Variants in UBN2 observed in about 807,000 individuals in gnomAD.
UBN2 encodes the protein ubinuclein 2.
Under a neutral mutation model 120.2 loss-of-function variants are expected in UBN2, and 35 were observed. That is an observed-to-expected ratio of 0.29 (90% CI 0.22 to 0.39). UBN2 has a LOEUF of 0.39. UBN2 is among the 10% of genes least tolerant of loss of function. The pLI, the probability that UBN2 is intolerant of heterozygous loss-of-function variation, is 1.00. For synonymous variants in UBN2, 661 were observed against 648.7 expected (o/e 1.02, Z -0.29); for missense variants, 1,693 against 1,663.2 (o/e 1.02, Z -0.31).
intron 8 of UBN2, among the ~76,000 whole-genome samples, chr7:139,271,438 T>C (rs539494621): frequency 6.6e-6 from 1 of 152,064 alleles, no homozygotes; most frequent in Admixed American, 6.6e-5. Flanking sequence ...ATAGAAATAT[T>C]TGTTGGGTGT....
At chr7:139,264,816 T>C (rs1452866005) in intron 6 of UBN2, among the ~76,000 whole-genome samples, 2 of 152,124 alleles carry the variant, frequency 1.3e-5, no homozygotes, top group Non-Finnish European at 2.9e-5. Context: ...CTTGGTCTCT[T>C]GACCTCATGA....
chr7:139,246,650 A>G (rs564893344), intron 2 of UBN2, among the ~76,000 whole-genome samples: 1 of 152,196 alleles, frequency 6.6e-6, no homozygotes, highest in Non-Finnish European at 1.5e-5. Flanking sequence ...AACCACTACT[A>G]CAATCATGAT....
At chr7:139,309,491 C>T (rs1456107934), downstream of UBN2, among the ~76,000 whole-genome samples, 1 of 152,176 alleles carries the variant, frequency 6.6e-6, no homozygotes, top group Non-Finnish European at 1.5e-5. Context: ...TTTAACTATA[C>T]TTAACTGTGT....
intron 8 of UBN2, among the ~76,000 whole-genome samples, chr7:139,271,912 T>C (rs948494655): frequency 1.3e-5 from 2 of 152,200 alleles, no homozygotes; most frequent in Non-Finnish European, 2.9e-5. Context: ...CAAACACGTG[T>C]CTTCGTGTTC....
chr7:139,272,536 A>ATGTATGTATGTG, intron 9 of UBN2, 96 bp downstream of exon 9: 1 of 855,530 alleles, frequency 1.2e-6, no homozygotes. Context: ...GTATGTATGT[A>ATGTATGTATGTG]TGTATTTTGA....
Position 139,261,514 on chromosome 7 carries a change from C to G in UBN2, c.1168C>G (p.His390Asp), listed in dbSNP as rs749924033. ...DLPIFVSTNE[H>D]ELFQEAENAL... is the part of the protein sequence containing the mutation. The stretch of plus-strand genomic sequence containing the variant: ...TCCCATTTTTGTTAGCACAAATGAA[C>G]ATGAGCTGTTTCAGGAAGCTGAAAA... Residue 390 changes from histidine to aspartate, a missense_variant, in exon 6 of 18, where the codon CAT (histidine) becomes GAT (aspartate). This residue lies in a region of UBN2 where 663 missense variants were observed against 591.2 expected (regional missense o/e 1.12). Coordinates refer to ENST00000473989, the MANE Select transcript of UBN2 (RefSeq NM_173569.4). 6.2e-7 allele frequency: 1 copy of G among 1,614,178 alleles called. No homozygotes were observed. The highest frequency in any genetic ancestry group is 8.5e-7 in the Non-Finnish European group (1 of 1,180,034).
At chr7:139,258,407 C>A in intron 3 of UBN2, 81 bp from the exon 4 acceptor site, 1 of 1,153,158 alleles carries the variant, frequency 8.7e-7, no homozygotes, top group Non-Finnish European at 1.2e-6. Context: ...GGAGATGCTG[C>A]CATGGTGGAT....
intron 7 of UBN2, among the ~76,000 whole-genome samples, chr7:139,268,035 T>G (rs1384734239): frequency 6.6e-6 from 1 of 152,236 alleles, no homozygotes; most frequent in African/African-American, 2.4e-5. Flanking sequence ...GTCCTTCTCT[T>G]GTGACTGAGG....
At position 139,306,128 on chromosome 7, in the gene UBN2, A is replaced by G. The variant is rs113961933; in HGVS notation, c.*8292A>G. The G allele has an allele frequency of 6.6e-6, 1 of 152,268 alleles. No individual in the cohort carries two copies. Among genetic ancestry groups the G allele is most frequent in the Non-Finnish European group, 1.5e-5 (1 of 68,046 alleles). The allele number at this position is 152,268 out of a possible 1,614,324, so 9.4% of individuals were successfully genotyped here. On this transcript the variant is annotated 3_prime_UTR_variant, in exon 18 of 18. Transcript: ENST00000473989. The stretch of plus-strand genomic sequence containing the variant: ...AACTATTACCCAAGATAACATGGAA[A>G]TACTTCTGTTTTTGAAGTTAACAAC...
intron 17 of UBN2, among the ~76,000 whole-genome samples, chr7:139,296,691 A>G (rs752472960): frequency 3.3e-5 from 5 of 152,210 alleles, no homozygotes; most frequent in Admixed American, 2.6e-4. Context: ...GAAGTAATCA[A>G]CATTTTTTCT....
chr7:139,265,190 A>G (rs1006856885), intron 6 of UBN2, among the ~76,000 whole-genome samples: 1 of 152,150 alleles, frequency 6.6e-6, no homozygotes, highest in African/African-American at 2.4e-5. Context: ...TAGGATCACA[A>G]CTTTTACAGA....
At chr7:139,255,698 T>A (rs938440838) in intron 3 of UBN2, among the ~76,000 whole-genome samples, 1 of 152,208 alleles carries the variant, frequency 6.6e-6, no homozygotes, top group Admixed American at 6.5e-5. Context: ...CTTGTTCTTT[T>A]CATTTATTGT....
At chr7:139,232,443 G>A (rs1796052463) in intron 1 of UBN2, among the ~76,000 whole-genome samples, 1 of 152,176 alleles carries the variant, frequency 6.6e-6, no homozygotes, top group Non-Finnish European at 1.5e-5. Context: ...TTTGCTGGGC[G>A]CCGTGGCTGC....
chr7:139,265,016 G>A (rs1169500435), intron 6 of UBN2, among the ~76,000 whole-genome samples: 3 of 152,078 alleles, frequency 2.0e-5, no homozygotes, highest in African/African-American at 7.2e-5. Flanking sequence ...CTTTATACCA[G>A]GAACATTTGA....
chr7:139,284,485 A>G lies in UBN2; in HGVS notation c.3580A>G (p.Ser1194Gly), dbSNP rs1413110581. Residue 1194 changes from serine (S) to glycine (G), a missense_variant, in exon 15 of 18, where the codon AGT becomes GGT. By Grantham distance (56) the Ser-to-Gly change is moderately conservative (BLOSUM62 0). Around this residue, in one of 5 missense-constraint regions of UBN2, gnomAD observed 837 missense variants for 817.6 expected, o/e 1.02. Transcript: ENST00000473989. ...GACTAGTCTGTCTGGGGGAACAGGA[A>G]GTGGAACACAGGGTGCTACCAAACC... is the stretch of plus-strand genomic sequence containing the variant. ...NRTSLSGGTG[S>G]GTQGATKPLS... 1.2e-6 allele frequency: 2 copies of G among 1,614,216 alleles called. No individual in the cohort carries two copies. Among genetic ancestry groups the G allele is most frequent in the South Asian group, 1.1e-5 (1 of 91,086 alleles).
In UBN2 at chr7:139,282,050, C is replaced by G. The variant is rs888484408; in HGVS notation, c.2113C>G (p.Leu705Val). 10 of 1,613,314 alleles carry G rather than the reference C, an allele frequency of 6.2e-6. No individual in the cohort carries two copies. Among genetic ancestry groups the G allele is most frequent in the Non-Finnish European group, 5.1e-6 (6 of 1,179,458 alleles). The change falls in exon 14 of 18, where the codon CTT (leucine) becomes GTT (valine). Residue 705 changes from leucine (L) to valine (V), a missense_variant. Leu to Val is a conservative substitution (Grantham distance 32). Coordinates refer to ENST00000473989, the MANE Select transcript of UBN2 (RefSeq NM_173569.4). ...TLPLHSFPTM[L>V]KECSPKKDQK... The stretch of plus-strand genomic sequence containing the variant: ...TCCTCTCCATTCTTTCCCCACTATG[C>G]TTAAGGTAAGTGCTATGGTTGTATC...
At chr7:139,310,751 C>T (rs752051697), downstream of UBN2, among the ~76,000 whole-genome samples, 5 of 152,128 alleles carry the variant, frequency 3.3e-5, no homozygotes, top group African/African-American at 9.7e-5. Flanking sequence ...CCAGCCTGGG[C>T]GACAGAGTGA....
At chr7:139,259,481 T>C in intron 5 of UBN2, 111 bp downstream of exon 5, 1 of 1,394,336 alleles carries the variant, frequency 7.2e-7, no homozygotes, top group Non-Finnish European at 9.6e-7. Context: ...TCTAATTTAG[T>C]ACGTTATTGA....
At chr7:139,330,123 C>G in the UBN2 span, among the ~76,000 whole-genome samples, 1 of 152,260 alleles carries the variant, frequency 6.6e-6, no homozygotes, top group Admixed American at 6.5e-5. Flanking sequence ...CTTACAACAC[C>G]TGTCATATTA....
Sources: allele counts gnomAD v4.1 joint callset (sites outside exome capture counted in the v4.1 genomes callset), GRCh38; gene constraint gnomAD v4.1.1; regional missense constraint gnomAD v4.1.1; transcripts MANE v1.5; gene names NCBI Gene and HGNC (gene_info 2026-07-23, HGNC 2026-07-21).